The following TMX3 variants were observed in gnomAD, a reference collection of about 807,000 sequenced individuals.
TMX3 encodes protein disulfide-isomerase TMX3.
TMX3 carries 40 observed loss-of-function variants against 64.4 expected under a neutral mutation model. The ratio of observed to expected loss-of-function variants is 0.62; its 90% CI spans 0.48 to 0.81. The LOEUF (loss-of-function observed/expected upper bound fraction) is 0.81. TMX3 is among the 30% of genes least tolerant of loss of function. The pLI is 0.00. For missense variants in TMX3, 497 were observed against 534.5 expected (o/e 0.93, Z 0.69); for synonymous variants, 189 against 175.7 (o/e 1.08, Z -0.60).
At chr18:68,683,433 CTTTT>C (rs1161796090) in intron 12 of TMX3, among the ~76,000 whole-genome samples, 3 of 151,982 alleles carry the variant, frequency 2.0e-5, no homozygotes, top group Admixed American at 6.6e-5. Context: ...TATTGACTGT[CTTTT>C]TTTATGATAG....
Position 68,694,828 on chromosome 18 carries a change from T to C in TMX3, c.570+2398A>G, listed in dbSNP as rs186193715. Among the ~76,000 whole-genome samples the C allele has an allele frequency of 1.6e-3, 248 of 152,322 alleles. 1 individual carries two copies. The highest frequency in any genetic ancestry group is 2.7e-3 in the Non-Finnish European group (186 of 68,016). On this transcript the variant is annotated intron_variant, in intron 8 of 15. Coordinates refer to ENST00000299608, the MANE Select transcript of TMX3 (RefSeq NM_019022.5). ...CATAAGATAAACATCTACATACATA[T>C]TGCAGGAAGCATTAAACACCTACTT...
rs375368590 is a variant in TMX3 at position 68,714,923 on chromosome 18, G to A, written c.46+13C>T. The A allele has an allele frequency of 1.7e-5, 27 of 1,557,246 alleles. No homozygotes were observed. The African/African-American group carries it at 2.7e-4, about 16-fold the overall frequency. ...CGCGCCCGCCAGCGTCCCGACCGCT[G>A]AGCCCCCATTACCTGTGGCGCAGAG... On this transcript the variant is annotated intron_variant, in intron 1 of 15. Coordinates refer to ENST00000299608, the MANE Select transcript of TMX3 (RefSeq NM_019022.5).
At chr18:68,691,036 T>C (rs887619098) in intron 9 of TMX3, 2 of 360,158 alleles carry the variant, frequency 5.6e-6, no homozygotes, top group African/African-American at 4.2e-5. Flanking sequence ...AAAAATCACA[T>C]AGAATTTATT....
intron 7 of TMX3, 46 bp downstream of exon 7, chr18:68,697,881 GTAAAT>G: frequency 8.4e-7 from 1 of 1,185,706 alleles, no homozygotes. Flanking sequence ...TGATTATAGA[GTAAAT>G]TAAATTACAA....
intron 9 of TMX3, among the ~76,000 whole-genome samples, chr18:68,690,299 A>C (rs1268364168): frequency 1.3e-5 from 2 of 152,194 alleles, no homozygotes; most frequent in African/African-American, 2.4e-5. Context: ...CGAGCACTGA[A>C]ACACAGTTCG....
At chr18:68,681,387 T>C in intron 13 of TMX3, 2 of 776,986 alleles carry the variant, frequency 2.6e-6, no homozygotes, top group Non-Finnish European at 3.2e-6. Context: ...AACATATGTA[T>C]TGAAAAAAAT....
In TMX3 at chr18:68,692,811, T is replaced by C. The variant is rs534180576; in HGVS notation, c.571-1450A>G. Among the ~76,000 whole-genome samples the C allele has an allele frequency of 1.4e-3, 206 of 152,294 alleles. 1 individual carries two copies. Among genetic ancestry groups the C allele is most frequent in the African/African-American group, 4.7e-3 (197 of 41,562 alleles). On this transcript the variant is annotated intron_variant, in intron 8 of 15. Transcript: ENST00000299608. ...AATAATAGAAGTAATACACAAATACTAAATATGCTCATGTAACAGATGCTA... is the reference window on the plus strand; with the variant it reads ...AATAATAGAAGTAATACACAAATACCAAATATGCTCATGTAACAGATGCTA...
intron 12 of TMX3, 78 bp downstream of exon 12, chr18:68,684,112 A>T: frequency 9.9e-7 from 1 of 1,006,738 alleles, no homozygotes; most frequent in Non-Finnish European, 1.5e-6. Flanking sequence ...AAGCATGAAT[A>T]CTACTAAGTT....
rs189146401 is a variant in TMX3 at position 68,693,666 on chromosome 18, G to A, written c.571-2305C>T. 2.1e-4 allele frequency among the ~76,000 whole-genome samples: 32 copies of A among 152,210 alleles called. No homozygotes were observed. The East Asian group carries it at 4.3e-3, about 20-fold the overall frequency. ...AGCGTGGGAGGGAGGCTGGCTCCTC[G>A]GCATGAACAGCCTGGGTGCCATAGA... On this transcript the variant is annotated intron_variant, in intron 8 of 15. Coordinates refer to ENST00000299608, the MANE Select transcript of TMX3 (RefSeq NM_019022.5).
intron 2 of TMX3, 75 bp from the exon 3 acceptor site, chr18:68,711,478 A>C: frequency 9.8e-7 from 1 of 1,022,550 alleles, no homozygotes. Flanking sequence ...GGCAGAGATA[A>C]TACATTGATA....
chr18:68,677,240 A>C (rs1174172659), intron 15 of TMX3, 47 bp from the exon 16 acceptor site: 1 of 1,563,990 alleles, frequency 6.4e-7, no homozygotes, highest in Non-Finnish European at 8.7e-7. Context: ...TGTAATTCTG[A>C]TATATATAGC....
intron 6 of TMX3, among the ~76,000 whole-genome samples, chr18:68,699,373 G>T (rs1481582456): frequency 6.6e-6 from 1 of 152,042 alleles, no homozygotes; most frequent in Non-Finnish European, 1.5e-5. Context: ...AGTACCTCCC[G>T]CTAGCACTCC....
At position 68,698,032 on chromosome 18, in the gene TMX3, C is replaced by T. The variant is rs1172218780; in HGVS notation, c.393-1G>A. On this transcript the variant is annotated splice_acceptor_variant, in intron 6 of 15. Transcript: ENST00000299608. LOFTEE classifies it high-confidence loss of function. ...ACTTGGAAGTGGCCGAATTAGAGCC[C>T]TGTTGCACAACAAAACAAAAAACAA... is the stretch of plus-strand genomic sequence containing the variant. 1.2e-6 allele frequency: 2 copies of T among 1,606,186 alleles called. No individual in the cohort carries two copies. The highest frequency in any genetic ancestry group is 1.7e-6 in the Non-Finnish European group (2 of 1,176,692).
chr18:68,676,604 A>C lies in TMX3; in HGVS notation c.*329T>G. 4.1e-6 allele frequency: 1 copy of C among 245,164 alleles called. No individual in the cohort carries two copies. Among genetic ancestry groups the C allele is most frequent in the Non-Finnish European group, 7.8e-6 (1 of 127,450 alleles). 15.2% of individuals were successfully genotyped at this position (245,164 alleles called of 1,614,324 possible). On this transcript the variant is annotated 3_prime_UTR_variant, in exon 16 of 16. Coordinates refer to ENST00000299608, the MANE Select transcript of TMX3 (RefSeq NM_019022.5). ...CACACATGTATCTTCTACCTGACTG[A>C]CCAATTTAAATATTCTGCCCAAGAA...
chr18:68,698,120 T>G, intron 6 of TMX3, 89 bp from the exon 7 acceptor site: 2 of 818,576 alleles, frequency 2.4e-6, no homozygotes, highest in South Asian at 3.3e-5. Flanking sequence ...ATGTCTCAAG[T>G]TATTAAGTTT....
intron 4 of TMX3, among the ~76,000 whole-genome samples, chr18:68,708,233 A>G (rs2030925084): frequency 6.6e-6 from 1 of 151,964 alleles, no homozygotes; most frequent in Non-Finnish European, 1.5e-5. Context: ...TCTGCCATTT[A>G]TCTCTTCTCC....
In TMX3 at chr18:68,681,200, T is replaced by C. The variant is rs539014871; in HGVS notation, c.906-90A>G. On this transcript the variant is annotated intron_variant, in intron 13 of 15. Coordinates refer to ENST00000299608, the MANE Select transcript of TMX3 (RefSeq NM_019022.5). ...ATTTATATCTCAGTAGCCATAATTA[T>C]AGAAGCTATTTAACACATTTGTGCA... 25 of 1,141,978 alleles carry C rather than the reference T, an allele frequency of 2.2e-5. No individual in the cohort carries two copies. In the South Asian group the frequency reaches 5.0e-4, roughly 23 times the overall value. The allele number at this position is 1,141,978 out of a possible 1,614,324, so 70.7% of individuals were successfully genotyped here. A position where few individuals can be genotyped will look rare whatever the true frequency, so the allele number is the denominator to read the frequency against.
chr18:68,689,706 A>G (rs960969118), intron 9 of TMX3: 1 of 152,204 alleles, frequency 6.6e-6, no homozygotes, highest in Non-Finnish European at 1.5e-5. Context: ...TTTCAAATAC[A>G]CAAGTTTCTC....
chr18:68,677,481 A>T (rs926940793), intron 15 of TMX3, among the ~76,000 whole-genome samples: 1 of 152,084 alleles, frequency 6.6e-6, no homozygotes, highest in African/African-American at 2.4e-5. Flanking sequence ...TTCTACATTA[A>T]CCACAAAGGT....
Sources: allele counts gnomAD v4.1 joint callset (sites outside exome capture counted in the v4.1 genomes callset), GRCh38; gene constraint gnomAD v4.1.1; transcripts MANE v1.5; gene names NCBI Gene and HGNC (gene_info 2026-07-23, HGNC 2026-07-21).